The following RAD51B variants were observed in gnomAD, a reference collection of about 807,000 sequenced individuals.
RAD51B encodes the protein RAD51 paralog B, also known as DNA repair protein RAD51 homolog 2.
Under a neutral mutation model 42.2 loss-of-function variants are expected in RAD51B, and 38 were observed. The observed-to-expected ratio is 0.90, with a 90% confidence interval of 0.70 to 1.18. The LOEUF (loss-of-function observed/expected upper bound fraction) is 1.18, where lower values mean the gene tolerates loss of function less well. Among genes scored for constraint, RAD51B ranks in the 50% most tolerant of loss-of-function variants. The probability of loss-of-function intolerance (pLI) is 0.00; values close to 1 mark genes in which losing one functional copy is unlikely to be tolerated. For missense variants in RAD51B, 373 were observed against 400.7 expected (o/e 0.93, Z 0.59); for synonymous variants, 154 against 145.2 (o/e 1.06, Z -0.43).
At chr14:68,363,250 G>A (rs1217175198) in intron 8 of RAD51B, among the ~76,000 whole-genome samples, 3 of 152,122 alleles carry the variant, frequency 2.0e-5, no homozygotes, top group East Asian at 1.9e-4. Context: ...AAATTCTATC[G>A]ATAAACAGAA....
chr14:67,893,300 A>G (rs1374865951), intron 7 of RAD51B, among the ~76,000 whole-genome samples: 1 of 151,870 alleles, frequency 6.6e-6, no homozygotes, highest in Non-Finnish European at 1.5e-5. Flanking sequence ...TAAATCTAAA[A>G]TTGTTTCAAA....
At chr14:68,044,915 C>T (rs1371021476) in intron 7 of RAD51B, among the ~76,000 whole-genome samples, 1 of 152,018 alleles carries the variant, frequency 6.6e-6, no homozygotes, top group East Asian at 1.9e-4. Context: ...GTGTGGCATC[C>T]CATGAGTCTG....
chr14:67,992,117 C>T (rs1344759817), intron 7 of RAD51B, among the ~76,000 whole-genome samples: 3 of 152,120 alleles, frequency 2.0e-5, no homozygotes, highest in Admixed American at 6.6e-5. Flanking sequence ...TTCTATGCAT[C>T]GGACTATTTT....
chr14:68,546,372 A>G (rs1057171485), intron 10 of RAD51B, among the ~76,000 whole-genome samples: 1 of 152,210 alleles, frequency 6.6e-6, no homozygotes, highest in Admixed American at 6.5e-5. Flanking sequence ...ATGTCTGAGT[A>G]GCTGGTGATA....
chr14:68,143,714 A>G (rs1595463452), intron 7 of RAD51B, among the ~76,000 whole-genome samples: 1 of 152,168 alleles, frequency 6.6e-6, no homozygotes, highest in African/African-American at 2.4e-5. Context: ...AGCTGTCACT[A>G]TACTCTGCCT....
intron 7 of RAD51B, among the ~76,000 whole-genome samples, chr14:68,274,269 A>G (rs556799491): frequency 6.6e-6 from 1 of 152,104 alleles, no homozygotes; most frequent in South Asian, 2.1e-4. Context: ...TAATATTTAC[A>G]TTACTGTGAC....
At chr14:68,073,541 T>A (rs1438624699) in intron 7 of RAD51B, among the ~76,000 whole-genome samples, 1 of 152,216 alleles carries the variant, frequency 6.6e-6, no homozygotes, top group Admixed American at 6.5e-5. Context: ...AATATTGATA[T>A]GTGCAGATTT....
At chr14:68,047,052 A>G (rs993960409) in intron 7 of RAD51B, among the ~76,000 whole-genome samples, 8 of 151,368 alleles carry the variant, frequency 5.3e-5, no homozygotes, top group Non-Finnish European at 1.2e-4. Flanking sequence ...GACTTTTACT[A>G]TAATATATAT....
chr14:68,233,874 T>C (rs2080194898), intron 7 of RAD51B, among the ~76,000 whole-genome samples: 1 of 152,148 alleles, frequency 6.6e-6, no homozygotes, highest in South Asian at 2.1e-4. Context: ...ATAGGTTAAG[T>C]TGAGGTAAGA....
chr14:68,594,777 T>C (rs1890920396), exon 11 of RAD51B: 1 of 1,249,412 alleles, frequency 8.0e-7, no homozygotes. Flanking sequence ...TGGAGATGTG[T>C]GTAGGGCCAC....
At chr14:67,868,620 A>G (rs1183016671) in intron 5 of RAD51B, among the ~76,000 whole-genome samples, 1 of 152,090 alleles carries the variant, frequency 6.6e-6, no homozygotes, top group African/African-American at 2.4e-5. Flanking sequence ...TGTAGGCTCC[A>G]CCTCTGGGGG....
intron 8 of RAD51B, among the ~76,000 whole-genome samples, chr14:68,356,717 C>T (rs538290610): frequency 4.0e-5 from 6 of 151,354 alleles, no homozygotes; most frequent in African/African-American, 1.5e-4. Context: ...CGCGGTGGCT[C>T]ACGCCTGTAA....
At chr14:68,575,617 G>A (rs1287149348) in intron 10 of RAD51B, among the ~76,000 whole-genome samples, 1 of 152,148 alleles carries the variant, frequency 6.6e-6, no homozygotes, top group Non-Finnish European at 1.5e-5. Context: ...CACCCATGGT[G>A]AATGGGGATT....
intron 7 of RAD51B, among the ~76,000 whole-genome samples, chr14:68,079,363 A>G (rs571625372): frequency 1.2e-4 from 19 of 152,286 alleles, no homozygotes; most frequent in African/African-American, 3.6e-4. Flanking sequence ...GCATAGAAAC[A>G]TATTGTTTCA....
chr14:67,834,986 G>A (rs1941599919), intron 3 of RAD51B, 94 bp from the exon 4 acceptor site: 1 of 873,134 alleles, frequency 1.1e-6, no homozygotes, highest in South Asian at 1.6e-5. Context: ...GATGGATTAG[G>A]GTTAAAATTG....
At chr14:68,040,171 G>T (rs1401727935) in intron 7 of RAD51B, among the ~76,000 whole-genome samples, 5 of 152,184 alleles carry the variant, frequency 3.3e-5, no homozygotes, top group African/African-American at 1.2e-4. Flanking sequence ...TAGCTTCTAA[G>T]ACTTAAATGA....
rs537537910 is a variant in RAD51B at position 68,339,114 on chromosome 14, C to G, written c.853+47134C>G. 4.3e-6 allele frequency: 3 copies of G among 695,546 alleles called. No individual in the cohort carries two copies. In the African/African-American group the frequency reaches 5.2e-5, roughly 12 times the overall value. The allele number at this position is 695,546 out of a possible 1,614,324, so 43.1% of individuals were successfully genotyped here. Reference sequence around the variant, plus strand: ...CACCAAGGTGGTGACCATGTTAACTCCTGCTCGAAGGACAGGTGGTCTCTT... The same window carrying G: ...CACCAAGGTGGTGACCATGTTAACTGCTGCTCGAAGGACAGGTGGTCTCTT... On this transcript the variant is annotated intron_variant, in intron 8 of 10. Coordinates refer to ENST00000471583, the MANE Select transcript of RAD51B (RefSeq NM_133510.4).
intron 7 of RAD51B, among the ~76,000 whole-genome samples, chr14:68,114,323 G>A (rs1001947869): frequency 1.3e-5 from 2 of 151,930 alleles, no homozygotes; most frequent in African/African-American, 4.8e-5. Context: ...ATTATTTTCT[G>A]TCACATAATT....
rs115383981 is a variant in RAD51B, at chr14:68,502,250, C to G, written c.1036+34000C>G. Reference sequence around the variant, plus strand: ...TCATCCCAGCCTGAAGGAGGGAGAGCCTTTGAAGCCACAGACAGGCTGAAC... The same window carrying G: ...TCATCCCAGCCTGAAGGAGGGAGAGGCTTTGAAGCCACAGACAGGCTGAAC... On this transcript the variant is annotated intron_variant, in intron 10 of 10. Transcript: ENST00000487270. Among the ~76,000 whole-genome samples the G allele has an allele frequency of 5.4e-3, 825 of 152,314 alleles. 9 individuals are homozygous for G. Among genetic ancestry groups the G allele is most frequent in the African/African-American group, 0.019 (784 of 41,572 alleles).
Sources: gnomAD v4.1 joint callset for allele counts (sites outside exome capture counted in the v4.1 genomes callset) on GRCh38, gnomAD v4.1.1 for gene constraint, MANE v1.5 for transcripts, NCBI Gene and HGNC (gene_info 2026-07-23, HGNC 2026-07-21) for gene names.